The following FMN1 variants were observed in gnomAD, a reference collection of about 807,000 sequenced individuals.
The protein encoded by FMN1 is formin 1, also known as formin-1.
In FMN1, 110 loss-of-function variants were observed where a neutral mutation model predicts 132.4. That is an observed-to-expected ratio of 0.83 (90% CI 0.71 to 0.97). The LOEUF (loss-of-function observed/expected upper bound fraction) is 0.97. Among genes scored for constraint, FMN1 ranks in the 50% least tolerant of loss-of-function variants. The probability of loss-of-function intolerance (pLI) is 0.00; values close to 1 mark genes in which losing one functional copy is unlikely to be tolerated. For missense variants in FMN1, 1,792 were observed against 1,705.3 expected (o/e 1.05, Z -0.90); for synonymous variants, 722 against 651.7 (o/e 1.11, Z -1.64).
intron 9 of FMN1, among the ~76,000 whole-genome samples, chr15:32,949,562 G>T (rs948738564): frequency 2.6e-5 from 4 of 151,932 alleles, no homozygotes; most frequent in African/African-American, 7.3e-5. Flanking sequence ...ATTCAAGATG[G>T]ATTAAACATT....
intron 7 of FMN1, among the ~76,000 whole-genome samples, chr15:32,985,911 A>C (rs1444965367): frequency 6.6e-6 from 1 of 152,144 alleles, no homozygotes; most frequent in Non-Finnish European, 1.5e-5. Flanking sequence ...TATAGTTCTA[A>C]ATATATTCCC....
Position 32,917,179 on chromosome 15 carries a change from G to A in FMN1, c.3227-6644C>T, listed in dbSNP as rs140645340. Among the ~76,000 whole-genome samples, 174 of 152,250 alleles carry A rather than the reference G, an allele frequency of 1.1e-3. 1 individual carries two copies. Among genetic ancestry groups the A allele is most frequent in the African/African-American group, 4.0e-3 (167 of 41,534 alleles). On this transcript the variant is annotated intron_variant, in intron 10 of 20. Transcript: ENST00000616417. Reference sequence around the variant, plus strand: ...GAGCCAGTAGAGAGGGGTGTGGAGCGTGGAAGGACCACTCGGAGGCAAGGC... The same window carrying A: ...GAGCCAGTAGAGAGGGGTGTGGAGCATGGAAGGACCACTCGGAGGCAAGGC...
chr15:32,969,082 T>C lies in FMN1; in HGVS notation c.2619A>G (p.Ala873=). ...NQQKALPPPP[A]SIPPPPPLPS... Reference sequence around the variant, plus strand: ...GGAGGGGCGGAGGGGGAGGGATGGATGCGGGAGGCGGAGGCAATGCCTTCT... The same window carrying C: ...GGAGGGGCGGAGGGGGAGGGATGGACGCGGGAGGCGGAGGCAATGCCTTCT... The change falls in exon 8 of 21, where the codon GCA becomes GCG. Residue 873 remains alanine (A), a synonymous_variant. Coordinates refer to ENST00000616417, the MANE Select transcript of FMN1 (RefSeq NM_001277313.2). The C allele has an allele frequency of 1.3e-6, 2 of 1,596,902 alleles. No homozygotes were observed. Among genetic ancestry groups the C allele is most frequent in the Non-Finnish European group, 1.7e-6 (2 of 1,170,402 alleles).
At position 32,792,055 on chromosome 15, in the gene FMN1, G is replaced by T. The variant is rs190580342; in HGVS notation, c.4130+6749C>A. Among the ~76,000 whole-genome samples the T allele has an allele frequency of 5.8e-4, 88 of 152,162 alleles. 1 individual carries two copies. Among genetic ancestry groups the T allele is most frequent in the Non-Finnish European group, 1.0e-3 (70 of 68,008 alleles). ...GGGGAAGGCCCACACTTAAGGAACA[G>T]AAGAAACAGAGGAACTAAGGAGGGA... On this transcript the variant is annotated intron_variant, in intron 19 of 20. Coordinates refer to ENST00000616417, the MANE Select transcript of FMN1 (RefSeq NM_001277313.2).
chr15:32,826,779 C>A (rs147298540), intron 17 of FMN1, among the ~76,000 whole-genome samples: 3 of 152,162 alleles, frequency 2.0e-5, no homozygotes, highest in Non-Finnish European at 2.9e-5. Flanking sequence ...ATATTCCAGG[C>A]GGCTTCCAGA....
chr15:32,970,139 T>A (rs2031656901), intron 7 of FMN1, among the ~76,000 whole-genome samples: 1 of 152,204 alleles, frequency 6.6e-6, no homozygotes, highest in African/African-American at 2.4e-5. Context: ...CACAGCACTT[T>A]AAAGTATATA....
intron 17 of FMN1, among the ~76,000 whole-genome samples, chr15:32,832,313 T>C (rs372687773): frequency 1.3e-5 from 2 of 152,224 alleles, no homozygotes; most frequent in African/African-American, 4.8e-5. Flanking sequence ...GTTTGTGGTG[T>C]ATAAAATAAA....
rs2059151277 is a variant in FMN1 at position 32,857,123 on chromosome 15, T to C, written c.3836-16A>G. On this transcript the variant is annotated splice_polypyrimidine_tract_variant and intron_variant, in intron 16 of 20. Transcript: ENST00000616417. The stretch of plus-strand genomic sequence containing the variant: ...TTCTCACTTGCTGTGAAGAGAAATT[T>C]AGAATTAGACTTAGGAACACAGATT... The C allele has an allele frequency of 6.3e-7, 1 of 1,596,672 alleles. No individual in the cohort carries two copies. The highest frequency in any genetic ancestry group is 1.3e-5 in the African/African-American group (1 of 74,618).
intron 20 of FMN1, 98 bp downstream of exon 20, chr15:32,776,737 A>G: frequency 1.5e-6 from 1 of 656,136 alleles, no homozygotes; most frequent in Non-Finnish European, 2.6e-6. Context: ...GGGAACTGAG[A>G]ATCTGGATAC....
intron 6 of FMN1, among the ~76,000 whole-genome samples, chr15:33,033,037 G>C (rs1009622437): frequency 1.3e-5 from 2 of 152,062 alleles, no homozygotes; most frequent in Non-Finnish European, 2.9e-5. Context: ...GTTTTCGTTT[G>C]TTTTTTGTTT....
rs5002279 is a variant in FMN1 at position 33,154,823 on chromosome 15, C to G, written c.92G>C (p.Gly31Ala). The part of the protein sequence containing the change: ...SFCLPKGEVR[G>A]FSYKGTVTLD... ...AGTTACAGTGCCCTTGTATGAAAAT[C>G]CTCTGACTTCCCCCTTTGGAAGACA... Residue 31 changes from glycine to alanine, a missense_variant, in exon 4 of 21, where the codon GGA becomes GCA. Gly to Ala is a moderately conservative substitution (Grantham distance 60). Coordinates refer to ENST00000616417, the MANE Select transcript of FMN1 (RefSeq NM_001277313.2). 2,405 of 1,536,122 alleles carry G rather than the reference C, an allele frequency of 1.6e-3. 31 individuals carry two copies. In the African/African-American group the frequency reaches 0.028, roughly 18 times the overall value.
At chr15:33,067,033 C>G in intron 5 of FMN1, 1 of 1,614,046 alleles carries the variant, frequency 6.2e-7, no homozygotes. Flanking sequence ...TAGCCCCCTT[C>G]TTCAGCACAC....
At chr15:33,127,399 A>G (rs900451560) in intron 4 of FMN1, among the ~76,000 whole-genome samples, 1 of 152,200 alleles carries the variant, frequency 6.6e-6, no homozygotes, top group Non-Finnish European at 1.5e-5. Flanking sequence ...ACCAGTCTCA[A>G]AGGATGGACC....
At chr15:32,789,365 A>T (rs778212640) in intron 19 of FMN1, among the ~76,000 whole-genome samples, 10 of 152,196 alleles carry the variant, frequency 6.6e-5, no homozygotes, top group South Asian at 2.1e-4. Flanking sequence ...GTGATCAATA[A>T]ATTTTTCCAG....
At chr15:33,061,095 A>C (rs1034613436) in intron 6 of FMN1, among the ~76,000 whole-genome samples, 1 of 152,208 alleles carries the variant, frequency 6.6e-6, no homozygotes, top group East Asian at 1.9e-4. Flanking sequence ...TAGAGGACCT[A>C]AAATACATGT....
chr15:32,853,732 A>G (rs2059062013), intron 17 of FMN1, among the ~76,000 whole-genome samples: 1 of 152,202 alleles, frequency 6.6e-6, no homozygotes, highest in South Asian at 2.1e-4. Context: ...TAAACCATAC[A>G]TTTCAGAAAT....
chr15:32,848,943 C>T (rs905786243), intron 17 of FMN1, among the ~76,000 whole-genome samples: 9 of 148,864 alleles, frequency 6.0e-5, no homozygotes, highest in Non-Finnish European at 1.2e-4. Context: ...TGGTGAGGAC[C>T]AGCTGAATAT....
intron 4 of FMN1, among the ~76,000 whole-genome samples, chr15:33,095,701 C>CAA (rs887642499): frequency 2.0e-5 from 3 of 150,936 alleles, no homozygotes; most frequent in Non-Finnish European, 3.0e-5. Flanking sequence ...AATAAGAATG[C>CAA]AAAAAAAAGT....
At position 32,968,701 on chromosome 15, in the gene FMN1, G is replaced by A. The variant is rs957334167; in HGVS notation, c.2987+13C>T. ...GAATTCACATGCTGAGAATGGGATAGGGGAGAACTTACCTCCTATCACTTA... is the reference window on the plus strand; with the variant it reads ...GAATTCACATGCTGAGAATGGGATAAGGGAGAACTTACCTCCTATCACTTA... On this transcript the variant is annotated intron_variant, in intron 8 of 20. Transcript: ENST00000616417. 13 of 1,613,196 alleles carry A rather than the reference G, an allele frequency of 8.1e-6. No homozygotes were observed. Among genetic ancestry groups the A allele is most frequent in the South Asian group, 2.2e-5 (2 of 90,986 alleles).
Sources: gnomAD v4.1 joint callset for allele counts (sites outside exome capture counted in the v4.1 genomes callset) on GRCh38, gnomAD v4.1.1 for gene constraint, MANE v1.5 for transcripts, NCBI Gene and HGNC (gene_info 2026-07-23, HGNC 2026-07-21) for gene names.